Variants in ACSL3 observed in about 807,000 individuals in gnomAD.
The protein encoded by ACSL3 is fatty acid CoA ligase Acsl3.
In ACSL3, 34 loss-of-function variants were observed where a neutral mutation model predicts 84.7. The observed-to-expected ratio is 0.40, with a 90% confidence interval of 0.31 to 0.53. The LOEUF (loss-of-function observed/expected upper bound fraction) is 0.53. ACSL3 is among the 20% of genes least tolerant of loss of function. ACSL3 has a pLI of 0.48. For missense variants in ACSL3, 680 were observed against 873.1 expected (o/e 0.78, Z 2.79); for synonymous variants, 315 against 299.4 (o/e 1.05, Z -0.54).
At chr2:222,917,143 G>A (rs1696606115) in intron 5 of ACSL3, among the ~76,000 whole-genome samples, 2 of 152,146 alleles carry the variant, frequency 1.3e-5, no homozygotes, top group African/African-American at 4.8e-5. Flanking sequence ...AGGCTGGAGT[G>A]CAGTGGCACA....
chr2:222,873,145 GTTAAC>G (rs2106086169), intron 1 of ACSL3, among the ~76,000 whole-genome samples: 1 of 152,234 alleles, frequency 6.6e-6, no homozygotes, highest in South Asian at 2.1e-4. Context: ...TTTGCAAACA[GTTAAC>G]TTTTTATGAT....
intron 1 of ACSL3, among the ~76,000 whole-genome samples, chr2:222,863,770 G>A (rs1695069784): frequency 1.3e-5 from 2 of 152,088 alleles, no homozygotes; most frequent in Non-Finnish European, 2.9e-5. Flanking sequence ...GGGAAATATA[G>A]ATTGTTAAAA....
chr2:222,940,414 A>T (rs1697271714), intron 16 of ACSL3, among the ~76,000 whole-genome samples: 1 of 151,574 alleles, frequency 6.6e-6, no homozygotes, highest in South Asian at 2.1e-4. Flanking sequence ...ATAGCTTGGT[A>T]TGTATCCTTC....
chr2:222,883,411 G>A (rs1027543445), intron 1 of ACSL3, among the ~76,000 whole-genome samples: 11 of 151,608 alleles, frequency 7.3e-5, no homozygotes, highest in African/African-American at 2.2e-4. Flanking sequence ...TCGAACTCCC[G>A]ACCTCAGGTG....
At chr2:222,882,019 A>G (rs1341366276) in intron 1 of ACSL3, among the ~76,000 whole-genome samples, 2 of 152,162 alleles carry the variant, frequency 1.3e-5, no homozygotes, top group East Asian at 1.9e-4. Flanking sequence ...TTTCCCTCAT[A>G]TTCTTTAAAG....
intron 8 of ACSL3, 71 bp from the exon 9 acceptor site, chr2:222,922,637 C>T: frequency 1.3e-6 from 2 of 1,592,234 alleles, no homozygotes; most frequent in Non-Finnish European, 1.7e-6. Context: ...TTCAAGCTTG[C>T]TCCCATTATA....
chr2:222,863,827 T>A (rs1304881866), intron 1 of ACSL3, among the ~76,000 whole-genome samples: 1 of 152,176 alleles, frequency 6.6e-6, no homozygotes, highest in Admixed American at 6.5e-5. Flanking sequence ...ATTCAAATAA[T>A]ACATTGCAAT....
In ACSL3 at chr2:222,907,119, C is replaced by T. The variant is rs116537720; in HGVS notation, c.-40-1614C>T. Among the ~76,000 whole-genome samples the T allele has an allele frequency of 3.1e-3, 470 of 152,250 alleles. 3 individuals are homozygous for T. The highest frequency in any genetic ancestry group is 0.011 in the African/African-American group (457 of 41,546). The stretch of plus-strand genomic sequence containing the variant: ...TAGTTATATCTGTTCTGTGAGTGGT[C>T]TACTAGGCCATCAATGTACCCATCA... On this transcript the variant is annotated intron_variant, in intron 3 of 16. Coordinates refer to ENST00000357430, the MANE Select transcript of ACSL3 (RefSeq NM_004457.5).
At chr2:222,896,140 G>A (rs1695963791) in intron 2 of ACSL3, among the ~76,000 whole-genome samples, 1 of 12,572 alleles carries the variant, frequency 8.0e-5, no homozygotes, top group Non-Finnish European at 1.2e-4. Flanking sequence ...CGGACGGGGC[G>A]GCTGGCCGGG....
chr2:222,941,763 ATTAC>A lies in ACSL3; in HGVS notation c.*112_*115del, dbSNP rs983046412. The A allele has an allele frequency of 9.1e-6, 11 of 1,202,970 alleles. No individual in the cohort carries two copies. The African/African-American group carries it at 9.3e-5, about 10-fold the overall frequency. The allele number at this position is 1,202,970 out of a possible 1,614,324, so 74.5% of individuals were successfully genotyped here. ...CAAACTCCATTCCTCATATTAAACT[ATTAC>A]TTCTCATGACGTCACCATTTTTAAC... On this transcript the variant is annotated 3_prime_UTR_variant, in exon 17 of 17. Coordinates refer to ENST00000357430, the MANE Select transcript of ACSL3 (RefSeq NM_004457.5).
chr2:222,875,086 A>T (rs1054305527), intron 1 of ACSL3, among the ~76,000 whole-genome samples: 3 of 152,208 alleles, frequency 2.0e-5, no homozygotes, highest in African/African-American at 4.8e-5. Context: ...CGTTGTGTAT[A>T]ACCTGCTAAT....
chr2:222,925,052 C>T lies in ACSL3; in HGVS notation c.1292+457C>T, dbSNP rs115467022. Among the ~76,000 whole-genome samples, 943 of 151,580 alleles carry T rather than the reference C, an allele frequency of 6.2e-3. 10 individuals carry two copies. The highest frequency in any genetic ancestry group is 0.027 in the Middle Eastern group (8 of 294). ...TCTCAAAAAAAAAAAAAAAATCCAT[C>T]CTGGCTGAACACGGTGGCTCACTCC... On this transcript the variant is annotated intron_variant, in intron 11 of 16. Transcript: ENST00000357430.
chr2:222,888,149 C>T (rs1231398025), intron 2 of ACSL3, among the ~76,000 whole-genome samples: 2 of 152,084 alleles, frequency 1.3e-5, no homozygotes, highest in Non-Finnish European at 2.9e-5. Flanking sequence ...AACTCAGTGG[C>T]CTCTTTATTT....
At chr2:222,888,179 T>C (rs1695766899) in intron 2 of ACSL3, among the ~76,000 whole-genome samples, 1 of 152,196 alleles carries the variant, frequency 6.6e-6, no homozygotes, top group Non-Finnish European at 1.5e-5. Context: ...TAGCATGAAT[T>C]AGACCATTTT....
intron 2 of ACSL3, among the ~76,000 whole-genome samples, chr2:222,893,669 CTCTTT>C (rs1312553368): frequency 2.6e-5 from 4 of 152,050 alleles, no homozygotes; most frequent in South Asian, 4.1e-4. Context: ...TTTCTTCCTT[CTCTTT>C]TCTTTTCTCT....
At chr2:222,919,276 G>C in intron 7 of ACSL3, 74 bp downstream of exon 7, 1 of 1,550,994 alleles carries the variant, frequency 6.4e-7, no homozygotes, top group Non-Finnish European at 8.7e-7. Context: ...CCAAAGTTTT[G>C]ATTCTGAGGT....
At chr2:222,909,805 C>T (rs563558919) in intron 4 of ACSL3, 1 of 152,422 alleles carries the variant, frequency 6.6e-6, no homozygotes, top group East Asian at 1.9e-4. Context: ...TACTGACACT[C>T]AAGAGCCAAG....
At chr2:222,873,407 T>TA (rs1285803687) in intron 1 of ACSL3, among the ~76,000 whole-genome samples, 1 of 152,234 alleles carries the variant, frequency 6.6e-6, no homozygotes, top group African/African-American at 2.4e-5. Context: ...ATTTCTTGTT[T>TA]AAAAGATCAT....
intron 4 of ACSL3, among the ~76,000 whole-genome samples, chr2:222,909,404 G>A (rs1204966973): frequency 6.6e-6 from 1 of 152,116 alleles, no homozygotes; most frequent in African/African-American, 2.4e-5. Context: ...GAATGTCTAG[G>A]GCAGTTTTGA....
Sources: allele counts gnomAD v4.1 joint callset (sites outside exome capture counted in the v4.1 genomes callset), GRCh38; gene constraint gnomAD v4.1.1; transcripts MANE v1.5; gene names NCBI Gene and HGNC (gene_info 2026-07-23, HGNC 2026-07-21).